Variants in ATXN7 observed in about 807,000 individuals in gnomAD.
The protein encoded by ATXN7 is ataxin 7.
A neutral mutation model predicts 70.5 loss-of-function variants in ATXN7; 12 were observed. The ratio of observed to expected loss-of-function variants is 0.17; its 90% CI spans 0.11 to 0.28. The LOEUF is 0.28. Ranked by LOEUF, ATXN7 falls within the 10% of genes least tolerant of loss-of-function variation. ATXN7 has a pLI of 1.00. For synonymous variants in ATXN7, 498 were observed against 448.7 expected (o/e 1.11, Z -1.39); for missense variants, 1,256 against 1,131.7 (o/e 1.11, Z -1.58).
intron 4 of ATXN7, among the ~76,000 whole-genome samples, chr3:63,919,922 T>C (rs572187361): frequency 6.6e-6 from 1 of 151,922 alleles, no homozygotes; most frequent in Non-Finnish European, 1.5e-5. Context: ...TATGTAAATA[T>C]GCAAGAGAAA....
chr3:63,892,648 C>T (rs1474962899), intron 1 of ATXN7, among the ~76,000 whole-genome samples: 1 of 152,138 alleles, frequency 6.6e-6, no homozygotes, highest in Non-Finnish European at 1.5e-5. Flanking sequence ...CTCTTTATTC[C>T]ACTGGCCTAA....
At position 63,980,300 on chromosome 3, in the gene ATXN7, T is replaced by G. The variant is rs2075464393; in HGVS notation, c.752+133T>G. On this transcript the variant is annotated intron_variant, in intron 6 of 12. Transcript: ENST00000674280. ...GGGAAGAATTCAAATGTATGTTGTATTGTTTCTTGATGTTTCCCTGTCATG... is the reference window on the plus strand; with the variant it reads ...GGGAAGAATTCAAATGTATGTTGTAGTGTTTCTTGATGTTTCCCTGTCATG... The G allele has an allele frequency of 2.4e-6, 3 of 1,262,220 alleles. No homozygotes were observed. The South Asian group carries it at 4.5e-5, about 19-fold the overall frequency. 78.2% of individuals were successfully genotyped at this position (1,262,220 alleles called of 1,614,324 possible).
intron 1 of ATXN7, among the ~76,000 whole-genome samples, chr3:63,892,878 G>C (rs1348408009): frequency 6.6e-6 from 1 of 152,142 alleles, no homozygotes; most frequent in East Asian, 1.9e-4. Flanking sequence ...GACCTGATGA[G>C]GTTTCATCTG....
intron 4 of ATXN7, among the ~76,000 whole-genome samples, chr3:63,934,911 G>A (rs1259048600): frequency 1.3e-5 from 2 of 152,170 alleles, no homozygotes; most frequent in East Asian, 1.9e-4. Context: ...ATCTTGCTGT[G>A]TGTTAGCAGC....
chr3:63,967,980 G>C, intron 5 of ATXN7: 1 of 1,534,808 alleles, frequency 6.5e-7, no homozygotes, highest in South Asian at 1.2e-5. Context: ...CACTGGGTAA[G>C]TTTTCTGAGG....
At chr3:63,950,938 T>C (rs1230211328) in intron 4 of ATXN7, among the ~76,000 whole-genome samples, 1 of 152,200 alleles carries the variant, frequency 6.6e-6, no homozygotes, top group Non-Finnish European at 1.5e-5. Flanking sequence ...TCATTATTCC[T>C]CTGGTCTTCA....
chr3:63,998,316 C>G, intron 12 of ATXN7: 1 of 985,176 alleles, frequency 1.0e-6, no homozygotes, highest in Non-Finnish European at 1.2e-6. Flanking sequence ...GGCTGCAGAT[C>G]TGGACTTGCA....
intron 4 of ATXN7, among the ~76,000 whole-genome samples, chr3:63,936,464 A>T (rs2074664516): frequency 6.6e-6 from 1 of 152,230 alleles, no homozygotes; most frequent in Non-Finnish European, 1.5e-5. Flanking sequence ...CTGCTATAAA[A>T]TCAAGACGGA....
intron 4 of ATXN7, among the ~76,000 whole-genome samples, chr3:63,938,929 TA>T (rs2074709364): frequency 6.6e-6 from 1 of 152,264 alleles, no homozygotes; most frequent in East Asian, 1.9e-4. Flanking sequence ...CTTGGAACCA[TA>T]TTTTAAATTC....
chr3:63,988,215 C>T lies in ATXN7; in HGVS notation c.1252C>T (p.Pro418Ser). The T allele has an allele frequency of 6.2e-7, 1 of 1,614,042 alleles. No individual in the cohort carries two copies. The highest frequency in any genetic ancestry group is 1.1e-5 in the South Asian group (1 of 91,072). ...GCCTCTCAGGGACCCGCATCCCGCC[C>T]CTCCTAGAACGTCACAGGAGCCGCA... ...PQPLRDPHPAPPRTSQEPHQN... is the reference protein window; with the variant it reads ...PQPLRDPHPASPRTSQEPHQN... Residue 418 changes from proline to serine, a missense_variant, in exon 9 of 13, where the codon CCT (proline) becomes TCT (serine). Transcript: ENST00000674280.
At chr3:63,892,853 G>C (rs1269911310) in intron 1 of ATXN7, among the ~76,000 whole-genome samples, 3 of 152,186 alleles carry the variant, frequency 2.0e-5, no homozygotes, top group Admixed American at 1.3e-4. Flanking sequence ...GCCCACCTAG[G>C]GCAGTAGGCA....
Position 63,996,130 on chromosome 3 carries a change from G to C in ATXN7, c.2308G>C (p.Val770Leu), listed in dbSNP as rs757569813. Residue 770 changes from valine to leucine, a missense_variant, in exon 12 of 13, where the codon GTC becomes CTC. By Grantham distance (32) the Val-to-Leu change is conservative. Coordinates refer to ENST00000674280, the MANE Select transcript of ATXN7 (RefSeq NM_001377405.1). The stretch of plus-strand genomic sequence containing the variant: ...GACGAATAAAGCAAATGCGGTGAAC[G>C]TCCGGCATGACCAGTCAGGGAGGGG... ...CVTNKANAVN[V>L]RHDQSGRGPP... The C allele has an allele frequency of 1.9e-6, 3 of 1,614,154 alleles. No homozygotes were observed. The East Asian group carries it at 6.7e-5, about 36-fold the overall frequency.
rs142140202 is a variant in ATXN7 at position 63,973,486 on chromosome 3, A to G, written c.500-6429A>G. 3.5e-4 allele frequency among the ~76,000 whole-genome samples: 54 copies of G among 152,252 alleles called. 1 individual carries two copies. In the East Asian group the frequency reaches 0.01, roughly 29 times the overall value. On this transcript the variant is annotated intron_variant, in intron 5 of 12. Transcript: ENST00000674280. ...AGCTATAAAGACAGCCCCAATTGGC[A>G]CATTCTGTCACAGTTCACTCTTCAA...
intron 1 of ATXN7, among the ~76,000 whole-genome samples, chr3:63,896,400 C>G (rs1703450447): frequency 6.6e-6 from 1 of 152,228 alleles, no homozygotes; most frequent in Non-Finnish European, 1.5e-5. Context: ...AAAATGATTT[C>G]TTTTTAACTA....
intron 8 of ATXN7, among the ~76,000 whole-genome samples, chr3:63,986,577 T>G (rs1382846205): frequency 6.6e-6 from 1 of 152,212 alleles, no homozygotes; most frequent in Non-Finnish European, 1.5e-5. Flanking sequence ...ACTTTTTGTT[T>G]GAAGCATTTG....
intron 6 of ATXN7, 185 bp downstream of exon 6, chr3:63,980,352 T>C (rs2075465209): frequency 1.3e-6 from 1 of 742,848 alleles, no homozygotes; most frequent in East Asian, 2.7e-5. Context: ...AGAGTAGTAA[T>C]AGCAGTGATA....
chr3:63,922,226 G>A (rs1287537742), intron 4 of ATXN7, among the ~76,000 whole-genome samples: 2 of 151,972 alleles, frequency 1.3e-5, no homozygotes, highest in African/African-American at 2.4e-5. Context: ...TTTGTTTGTA[G>A]AGACGGGGTT....
At chr3:63,967,998 C>T in intron 5 of ATXN7, 1 of 1,526,446 alleles carries the variant, frequency 6.6e-7, no homozygotes, top group Non-Finnish European at 8.8e-7. Context: ...AGGCAGTTTT[C>T]AGAGTCTGGG....
intron 5 of ATXN7, chr3:63,968,012 G>T: frequency 6.7e-7 from 1 of 1,491,618 alleles, no homozygotes; most frequent in Non-Finnish European, 9.0e-7. Context: ...GTCTGGGCTT[G>T]GCTCAGGGCC....
Sources: allele counts gnomAD v4.1 joint callset (sites outside exome capture counted in the v4.1 genomes callset), GRCh38; gene constraint gnomAD v4.1.1; transcripts MANE v1.5; gene names NCBI Gene and HGNC (gene_info 2026-07-23, HGNC 2026-07-21).